Variants in NXF1 observed in about 807,000 individuals in gnomAD.
The protein encoded by NXF1 is mRNA export factor TAP.
A neutral mutation model predicts 92.4 loss-of-function variants in NXF1; 43 were observed. The observed-to-expected ratio is 0.47, with a 90% CI of 0.36 to 0.60. NXF1 has a LOEUF of 0.60. NXF1 is among the 20% of genes least tolerant of loss of function. The pLI is 0.00. For missense variants in NXF1, 576 were observed against 793.0 expected (o/e 0.73, Z 3.29); for synonymous variants, 288 against 292.2 (o/e 0.99, Z 0.15).
intron 17 of NXF1, 147 bp downstream of exon 17, chr11:62,795,754 C>G (rs1006318042): frequency 4.9e-4 from 375 of 762,362 alleles, no homozygotes; most frequent in East Asian, 1.6e-3. Flanking sequence ...GAGAGGTAGG[C>G]CAAGCCAAGA....
At chr11:62,797,805 A>C (rs1473748813) in intron 11 of NXF1, among the ~76,000 whole-genome samples, 3 of 152,072 alleles carry the variant, frequency 2.0e-5, no homozygotes, top group Non-Finnish European at 4.4e-5. Context: ...AAGGGTCAGA[A>C]GTCAAGTGTA....
At chr11:62,803,648 G>A in intron 2 of NXF1, 76 bp from the exon 3 acceptor site, 2 of 1,574,966 alleles carry the variant, frequency 1.3e-6, no homozygotes, top group South Asian at 1.1e-5. Context: ...ACTGTTAGTG[G>A]GACTACAACT....
chr11:62,800,220 A>G, intron 10 of NXF1, 157 bp downstream of exon 10: 1 of 1,450,048 alleles, frequency 6.9e-7, no homozygotes, highest in Non-Finnish European at 9.1e-7. Context: ...TGGAAGACAC[A>G]GACAGACCAA....
At chr11:62,798,470 A>G (rs937606345) in intron 11 of NXF1, 69 bp downstream of exon 11, 1 of 1,562,860 alleles carries the variant, frequency 6.4e-7, no homozygotes, top group African/African-American at 1.4e-5. Context: ...AAAGAAAAAG[A>G]AACCTATCCA....
At chr11:62,804,136 C>T in intron 1 of NXF1, 158 bp from the exon 2 acceptor site, 1 of 1,548,030 alleles carries the variant, frequency 6.5e-7, no homozygotes. Context: ...AGGAAAGAAC[C>T]CTCTCTGTGG....
rs1325925829 is a variant in NXF1, at chr11:62,803,779, A to G, written c.215+13T>C. ...GAGCCACTAAATTCAAACCAGACCA[A>G]CTGGTCACTCACTATCGTACTCGGG... On this transcript the variant is annotated intron_variant, in intron 2 of 20. Transcript: ENST00000294172. 6.2e-7 allele frequency: 1 copy of G among 1,610,116 alleles called. No individual in the cohort carries two copies.
intron 1 of NXF1, among the ~76,000 whole-genome samples, chr11:62,804,405 TTG>T (rs1194302751): frequency 6.6e-6 from 1 of 152,188 alleles, no homozygotes; most frequent in Non-Finnish European, 1.5e-5. Context: ...CTTTGAAGTT[TTG>T]TGAGGAGCTC....
At chr11:62,793,899 G>A (rs2084393572) in intron 19 of NXF1, among the ~76,000 whole-genome samples, 1 of 151,120 alleles carries the variant, frequency 6.6e-6, no homozygotes. Context: ...TACTCGGGAG[G>A]CTGAGATTGG....
chr11:62,792,542 T>C (rs748430818), intron 20 of NXF1, 28 bp from the exon 21 acceptor site: 11 of 1,614,018 alleles, frequency 6.8e-6, no homozygotes, highest in Non-Finnish European at 9.3e-6. Context: ...TCAGTAGAGG[T>C]AGGCCTACCC....
rs544899954 is a variant in NXF1 at position 62,797,079 on chromosome 11, A to C, written c.1178+104T>G. 9.0e-4 allele frequency: 994 copies of C among 1,099,430 alleles called. 6 individuals are homozygous for C. The highest frequency in any genetic ancestry group is 9.0e-3 in the African/African-American group (560 of 62,090). The allele number at this position is 1,099,430 out of a possible 1,614,324, so 68.1% of individuals were successfully genotyped here. A position where few individuals can be genotyped will look rare whatever the true frequency, so the allele number is the denominator to read the frequency against. On this transcript the variant is annotated intron_variant, in intron 13 of 20. Coordinates refer to ENST00000294172, the MANE Select transcript of NXF1 (RefSeq NM_006362.5). ...TGAGACACTGTCCAAAAAAAAAAAA[A>C]AAAACAAAACAAAAAACAAAACAAA...
chr11:62,800,475 C>T lies in NXF1; in HGVS notation c.918G>A (p.Glu306=). 1.2e-6 allele frequency: 2 copies of T among 1,613,530 alleles called. No homozygotes were observed. Among genetic ancestry groups the T allele is most frequent in the Non-Finnish European group, 1.7e-6 (2 of 1,179,574 alleles). The change falls in exon 10 of 21, where the codon GAG becomes GAA. Residue 306 remains glutamate, a synonymous_variant. Transcript: ENST00000294172. ...LNLSGNELKS[E]RELDKIKGLK... ...GCCCCTTTATCTTGTCCAATTCCCGCTCAGACTTCAACTGCAAAGGGTGGA... is the reference window on the plus strand; with the variant it reads ...GCCCCTTTATCTTGTCCAATTCCCGTTCAGACTTCAACTGCAAAGGGTGGA...
At chr11:62,803,030 G>C (rs1389784740) in intron 3 of NXF1, among the ~76,000 whole-genome samples, 1 of 152,168 alleles carries the variant, frequency 6.6e-6, no homozygotes, top group Non-Finnish European at 1.5e-5. Context: ...ATGACAAGGA[G>C]AATTTTTGGG....
Position 62,796,316 on chromosome 11 carries a change from C to T in NXF1, c.1316G>A (p.Ser439Asn). ...GTCTTTAAGCTTCTTCACATTTCTG[C>T]TATCCTTGAAATACTCGGCTAAGCT... ...RSSLAEYFKD[S>N]RNVKKLKDPT... The change falls in exon 15 of 21, where the codon AGC becomes AAC. Residue 439 changes from serine (S) to asparagine (N), a missense_variant. Around this residue, in one of 2 missense-constraint regions of NXF1, gnomAD observed 425 missense variants for 635.2 expected, o/e 0.67. Transcript: ENST00000294172. 6.2e-7 allele frequency: 1 copy of T among 1,614,160 alleles called. No homozygotes were observed. Among genetic ancestry groups the T allele is most frequent in the Non-Finnish European group, 8.5e-7 (1 of 1,180,032 alleles).
At chr11:62,799,072 T>C in intron 10 of NXF1, 1 of 984,404 alleles carries the variant, frequency 1.0e-6, no homozygotes, top group East Asian at 1.1e-4. Flanking sequence ...GGCAAAGGAA[T>C]AAGAAAGGAA....
intron 11 of NXF1, among the ~76,000 whole-genome samples, chr11:62,797,635 G>T (rs2084434692): frequency 6.6e-6 from 1 of 152,182 alleles, no homozygotes; most frequent in African/African-American, 2.4e-5. Context: ...GAGCCTGGCA[G>T]GCGAAGGTTG....
intron 3 of NXF1, among the ~76,000 whole-genome samples, chr11:62,803,209 C>T (rs142453256): frequency 0.019 from 2,945 of 152,152 alleles, 88 homozygotes; most frequent in African/African-American, 0.066. Context: ...GTCCCAGCTA[C>T]TCGGGAGACT....
In NXF1 at chr11:62,793,983, A is replaced by G. The variant is rs866863932; in HGVS notation, c.1760+275T>C. Reference sequence around the variant, plus strand: ...ACCACTGCACTCCAGCCTGGGCAACATAGCAAGACTCCACCTCCAAAAAAA... The same window carrying G: ...ACCACTGCACTCCAGCCTGGGCAACGTAGCAAGACTCCACCTCCAAAAAAA... On this transcript the variant is annotated intron_variant, in intron 19 of 20. Coordinates refer to ENST00000294172, the MANE Select transcript of NXF1 (RefSeq NM_006362.5). Among the ~76,000 whole-genome samples, 8 of 151,476 alleles carry G rather than the reference A, an allele frequency of 5.3e-5. No homozygotes were observed. In the South Asian group the frequency reaches 1.7e-3, roughly 32 times the overall value.
Position 62,802,375 on chromosome 11 carries a change from C to T in NXF1, c.370-115G>A, listed in dbSNP as rs972914431. The T allele has an allele frequency of 6.4e-6, 5 of 780,382 alleles. No individual in the cohort carries two copies. The Admixed American group carries it at 6.7e-5, about 10-fold the overall frequency. 48.3% of individuals were successfully genotyped at this position (780,382 alleles called of 1,614,324 possible). Reference sequence around the variant, plus strand: ...TTTTAAAGACTATCTAAAGAAAGGACCAGTACTAGGTTTTCTACTTGAGAT... The same window carrying T: ...TTTTAAAGACTATCTAAAGAAAGGATCAGTACTAGGTTTTCTACTTGAGAT... On this transcript the variant is annotated intron_variant, in intron 3 of 20. Coordinates refer to ENST00000294172, the MANE Select transcript of NXF1 (RefSeq NM_006362.5).
In NXF1 at chr11:62,792,268, G is replaced by T. The variant is rs940824587; in HGVS notation, c.*208C>A. ...GGTAGTTTAGTGTCAGTTCTACAAAGTAAGCTTTGGCTTCCTGGCACCAGT... is the reference window on the plus strand; with the variant it reads ...GGTAGTTTAGTGTCAGTTCTACAAATTAAGCTTTGGCTTCCTGGCACCAGT... On this transcript the variant is annotated 3_prime_UTR_variant, in exon 21 of 21. Transcript: ENST00000294172. 1 of 727,050 alleles carries T rather than the reference G, an allele frequency of 1.4e-6. No homozygotes were observed. The highest frequency in any genetic ancestry group is 2.4e-6 in the Non-Finnish European group (1 of 423,488). 45.0% of individuals were successfully genotyped at this position (727,050 alleles called of 1,614,324 possible).
Sources: allele counts gnomAD v4.1 joint callset (sites outside exome capture counted in the v4.1 genomes callset), GRCh38; gene constraint gnomAD v4.1.1; regional missense constraint gnomAD v4.1.1; transcripts MANE v1.5; gene names NCBI Gene and HGNC (gene_info 2026-07-23, HGNC 2026-07-21).